Variants in ARF3 observed in about 807,000 individuals in gnomAD.
ARF3 encodes the protein ARF GTPase 3.
Under a neutral mutation model 19.3 loss-of-function variants are expected in ARF3, and 5 were observed. The observed-to-expected ratio is 0.26, with a 90% CI of 0.14 to 0.54. The LOEUF is 0.54. ARF3 is among the 20% of genes least tolerant of loss of function. The probability of loss-of-function intolerance (pLI) is 0.95; values close to 1 mark genes in which losing one functional copy is unlikely to be tolerated. For missense variants in ARF3, 77 were observed against 234.2 expected, an observed-to-expected ratio of 0.33 and a Z score of 4.38; for synonymous variants, 71 against 89.2, an observed-to-expected ratio of 0.80 and a Z score of 1.15.
Position 48,938,194 on chromosome 12 carries a change from A to G in ARF3, c.*753T>C. ...TAAATGCCATCCTCCAGCCCTAAGA[A>G]GGGTGGAGAGAAGAGTACAAGGAAA... On this transcript the variant is annotated 3_prime_UTR_variant, in exon 5 of 5. Coordinates refer to ENST00000256682, the MANE Select transcript of ARF3 (RefSeq NM_001659.3). The G allele has an allele frequency of 2.9e-6, 1 of 350,166 alleles. No homozygotes were observed. Among genetic ancestry groups the G allele is most frequent in the South Asian group, 2.1e-5 (1 of 47,372 alleles). The allele number at this position is 350,166 out of a possible 1,614,324, so 21.7% of individuals were successfully genotyped here.
rs1256900311 is a variant in ARF3, at chr12:48,936,770, G to A, written c.*2177C>T. Reference sequence around the variant, plus strand: ...AGGCAAAGTCCTCATGAACCACAAAGATAGAGTGGAAAATCCTAAGTAGGA... The same window carrying A: ...AGGCAAAGTCCTCATGAACCACAAAAATAGAGTGGAAAATCCTAAGTAGGA... On this transcript the variant is annotated 3_prime_UTR_variant, in exon 5 of 5. Transcript: ENST00000256682. 1 of 152,210 alleles carries A rather than the reference G, an allele frequency of 6.6e-6. No homozygotes were observed. The highest frequency in any genetic ancestry group is 1.5e-5 in the Non-Finnish European group (1 of 68,054). The allele number at this position is 152,210 out of a possible 1,614,324, so 9.4% of individuals were successfully genotyped here. A position where few individuals can be genotyped will look rare whatever the true frequency, so the allele number is the denominator to read the frequency against.
Position 48,940,025 on chromosome 12 carries a change from G to C in ARF3, c.231C>G (p.Leu77=), listed in dbSNP as rs1940224707. The part of the protein sequence containing the change: ...DVGGQDKIRP[L]WRHYFQNTQG... ...GGGTGTTCTGGAAGTAGTGTCTCCAGAGGGGTCGAATCTTGTCCTGGCCAC... is the reference window on the plus strand; with the variant it reads ...GGGTGTTCTGGAAGTAGTGTCTCCACAGGGGTCGAATCTTGTCCTGGCCAC... The change falls in exon 3 of 5, where the codon CTC becomes CTG. Residue 77 remains leucine, a synonymous_variant. Transcript: ENST00000256682. The C allele has an allele frequency of 6.2e-7, 1 of 1,614,220 alleles. No homozygotes were observed. The highest frequency in any genetic ancestry group is 8.5e-7 in the Non-Finnish European group (1 of 1,180,032).
chr12:48,950,921 G>C (rs1384168039), intron 1 of ARF3, among the ~76,000 whole-genome samples: 1 of 151,970 alleles, frequency 6.6e-6, no homozygotes, highest in Admixed American at 6.6e-5. Context: ...AAGTAGCTGG[G>C]CGATTACAGG....
chr12:48,954,846 C>A (rs1470038422), intron 1 of ARF3, among the ~76,000 whole-genome samples: 1 of 151,922 alleles, frequency 6.6e-6, no homozygotes, highest in East Asian at 1.9e-4. Flanking sequence ...ACAGTGAGAT[C>A]TCTACAAAAA....
intron 2 of ARF3, among the ~76,000 whole-genome samples, chr12:48,940,639 C>A (rs1940239592): frequency 2.0e-5 from 3 of 152,202 alleles, no homozygotes; most frequent in Admixed American, 6.5e-5. Flanking sequence ...TAATTCCAAG[C>A]CTTTGGCAGG....
In ARF3 at chr12:48,938,804, G is replaced by T; in HGVS notation, c.*143C>A. The T allele has an allele frequency of 9.6e-7, 1 of 1,040,078 alleles. No homozygotes were observed. The allele number at this position is 1,040,078 out of a possible 1,614,324, so 64.4% of individuals were successfully genotyped here. The stretch of plus-strand genomic sequence containing the variant: ...ACAGGAAAAAGGAGGGGAGGCAGGG[G>T]AGGCAAGGCTCTTGCTGGGCATGTG... On this transcript the variant is annotated 3_prime_UTR_variant, in exon 5 of 5. Coordinates refer to ENST00000256682, the MANE Select transcript of ARF3 (RefSeq NM_001659.3).
intron 1 of ARF3, among the ~76,000 whole-genome samples, chr12:48,951,020 C>CA: frequency 6.6e-6 from 1 of 152,284 alleles, no homozygotes; most frequent in African/African-American, 2.4e-5. Context: ...CTCCTGACCT[C>CA]AAGTGATCCA....
intron 1 of ARF3, among the ~76,000 whole-genome samples, chr12:48,942,391 A>C (rs1940275571): frequency 6.6e-6 from 1 of 151,918 alleles, no homozygotes; most frequent in Admixed American, 6.6e-5. Context: ...CAAAGCTTTC[A>C]TATTTGCTAT....
chr12:48,941,739 A>G (rs958665879), intron 1 of ARF3, among the ~76,000 whole-genome samples: 1 of 152,076 alleles, frequency 6.6e-6, no homozygotes, highest in Non-Finnish European at 1.5e-5. Context: ...TTTCTTCCAC[A>G]CCAAAATAAA....
At chr12:48,953,318 C>T (rs1236204788) in intron 1 of ARF3, 1 of 152,066 alleles carries the variant, frequency 6.6e-6, no homozygotes, top group African/African-American at 2.4e-5. Context: ...TGTAATTATA[C>T]CCCACCCCCA....
chr12:48,937,197 T>A lies in ARF3; in HGVS notation c.*1750A>T, dbSNP rs1056057394. ...GGATGGGGTTACTAATATTGATCCA[T>A]CTGCTATCAACAAAAGTGGCCAGGA... On this transcript the variant is annotated 3_prime_UTR_variant, in exon 5 of 5. Coordinates refer to ENST00000256682, the MANE Select transcript of ARF3 (RefSeq NM_001659.3). 6.6e-6 allele frequency: 1 copy of A among 152,248 alleles called. No individual in the cohort carries two copies. The highest frequency in any genetic ancestry group is 2.4e-5 in the African/African-American group (1 of 41,456). The allele number at this position is 152,248 out of a possible 1,614,324, so 9.4% of individuals were successfully genotyped here.
chr12:48,953,706 T>TC (rs1940509226), intron 1 of ARF3, among the ~76,000 whole-genome samples: 1 of 152,200 alleles, frequency 6.6e-6, no homozygotes, highest in Non-Finnish European at 1.5e-5. Flanking sequence ...TTTGCATAAG[T>TC]CCATGGTAAA....
intron 1 of ARF3, among the ~76,000 whole-genome samples, chr12:48,950,025 G>A (rs970981480): frequency 6.6e-6 from 1 of 152,210 alleles, no homozygotes; most frequent in Non-Finnish European, 1.5e-5. Context: ...CTTAATTACA[G>A]TATCAAGCTG....
At position 48,939,729 on chromosome 12, in the gene ARF3, G is replaced by T; in HGVS notation, c.310C>A (p.Arg104=). The T allele has an allele frequency of 6.2e-7, 1 of 1,614,004 alleles. No homozygotes were observed. Among genetic ancestry groups the T allele is most frequent in the Non-Finnish European group, 8.5e-7 (1 of 1,180,010 alleles). The change falls in exon 4 of 5, where the codon CGG becomes AGG. Residue 104 remains arginine, a synonymous_variant. Coordinates refer to ENST00000256682, the MANE Select transcript of ARF3 (RefSeq NM_001659.3). This position sits in a 1 kb window ranked among gnomAD's most constrained non-coding sequence, Gnocchi z 4.8. Reference sequence around the variant, plus strand: ...GCCAGCATTCTCATCAGCTCTTCCCGGGCCTCATTTACTCGCTCCCGATCA... The same window carrying T: ...GCCAGCATTCTCATCAGCTCTTCCCTGGCCTCATTTACTCGCTCCCGATCA... ...SNDRERVNEA[R]EELMRMLAED...
chr12:48,939,122 G>A lies in ARF3; in HGVS notation c.385-14C>T, dbSNP rs377354354. The stretch of plus-strand genomic sequence containing the variant: ...ATTAGGCAGATCCTGGAGCACGTGG[G>A]AGACACATAAAAAGAAGCCTCAGGA... On this transcript the variant is annotated splice_polypyrimidine_tract_variant and intron_variant, in intron 4 of 4. Transcript: ENST00000256682. This position sits in a 1 kb window ranked among gnomAD's most constrained non-coding sequence, Gnocchi z 4.8. 34 of 1,607,142 alleles carry A rather than the reference G, an allele frequency of 2.1e-5. No individual in the cohort carries two copies. The African/African-American group carries it at 3.5e-4, about 16-fold the overall frequency.
At chr12:48,950,327 C>G (rs948090258) in intron 1 of ARF3, among the ~76,000 whole-genome samples, 10 of 152,268 alleles carry the variant, frequency 6.6e-5, no homozygotes, top group African/African-American at 2.2e-4. Context: ...TCTGGAGTAG[C>G]TGGGACTACA....
chr12:48,947,388 C>T (rs1339403064), intron 1 of ARF3, among the ~76,000 whole-genome samples: 3 of 151,666 alleles, frequency 2.0e-5, no homozygotes, highest in Non-Finnish European at 4.4e-5. Context: ...CTCACTGCAA[C>T]CTCCGCCTCC....
chr12:48,952,076 C>T (rs1459620479), intron 1 of ARF3, among the ~76,000 whole-genome samples: 1 of 152,060 alleles, frequency 6.6e-6, no homozygotes, highest in Non-Finnish European at 1.5e-5. Context: ...TAAACTAAAA[C>T]GTACCTAACT....
intron 1 of ARF3, among the ~76,000 whole-genome samples, chr12:48,946,672 G>A (rs1940363660): frequency 6.6e-6 from 1 of 152,222 alleles, no homozygotes; most frequent in Non-Finnish European, 1.5e-5. Context: ...GTTGATTTAA[G>A]CCTCATCTAA....
Sources: gnomAD v4.1 joint callset for allele counts (sites outside exome capture counted in the v4.1 genomes callset) on GRCh38, gnomAD v4.1.1 for gene constraint, Gnocchi (gnomAD v3.1) non-coding constraint, MANE v1.5 for transcripts, NCBI Gene and HGNC (gene_info 2026-07-23, HGNC 2026-07-21) for gene names.